Variants in GRM8 observed in about 807,000 individuals in gnomAD.
GRM8 encodes the protein metabotropic glutamate receptor 8.
Under a neutral mutation model 87.2 loss-of-function variants are expected in GRM8, and 47 were observed. That is an observed-to-expected ratio of 0.54 (90% CI 0.43 to 0.69). The LOEUF (loss-of-function observed/expected upper bound fraction) is 0.69. Ranked by LOEUF, GRM8 falls within the 30% of genes least tolerant of loss-of-function variation. GRM8 has a pLI of 0.00. For synonymous variants in GRM8, 396 were observed against 404.5 expected (o/e 0.98, Z 0.25); for missense variants, 1,019 against 1,139.2 (o/e 0.89, Z 1.52).
intron 2 of GRM8, among the ~76,000 whole-genome samples, chr7:127,173,087 T>A (rs1032747548): frequency 1.3e-5 from 2 of 152,230 alleles, no homozygotes; most frequent in Non-Finnish European, 2.9e-5. Context: ...TACCAAGCAC[T>A]GGTCTAGGCA....
chr7:127,232,405 AT>A (rs988267454), intron 2 of GRM8, among the ~76,000 whole-genome samples: 3 of 151,920 alleles, frequency 2.0e-5, no homozygotes, highest in Non-Finnish European at 4.4e-5. Flanking sequence ...TAATTCTTGT[AT>A]TTTTTATAGA....
chr7:126,887,502 G>A (rs1369635551), intron 6 of GRM8, among the ~76,000 whole-genome samples: 3 of 151,940 alleles, frequency 2.0e-5, no homozygotes, highest in Non-Finnish European at 1.5e-5. Flanking sequence ...ATTGAGAACA[G>A]CAATGAGTTT....
intron 7 of GRM8, among the ~76,000 whole-genome samples, chr7:126,759,464 T>C (rs1019735255): frequency 4.6e-5 from 7 of 152,144 alleles, no homozygotes; most frequent in African/African-American, 1.7e-4. Flanking sequence ...ACCTGGTCCA[T>C]TCTAGATTCA....
chr7:126,559,705 C>G (rs1292460508), intron 8 of GRM8, among the ~76,000 whole-genome samples: 2 of 152,168 alleles, frequency 1.3e-5, no homozygotes, highest in Admixed American at 6.5e-5. Flanking sequence ...TCAATTGATT[C>G]TGTAAGTCCT....
intron 3 of GRM8, among the ~76,000 whole-genome samples, chr7:127,080,327 A>G (rs975930264): frequency 3.3e-5 from 5 of 152,252 alleles, no homozygotes; most frequent in Non-Finnish European, 7.3e-5. Context: ...CTGCTGAATA[A>G]TTAACACACC....
At chr7:126,503,195 G>C (rs1349857984) in intron 9 of GRM8, among the ~76,000 whole-genome samples, 3 of 152,020 alleles carry the variant, frequency 2.0e-5, no homozygotes, top group Admixed American at 6.6e-5. Flanking sequence ...GGGGAATGAG[G>C]CTCACATGAT....
At chr7:126,734,755 T>C (rs1814006108) in intron 7 of GRM8, among the ~76,000 whole-genome samples, 2 of 152,050 alleles carry the variant, frequency 1.3e-5, no homozygotes, top group South Asian at 4.1e-4. Flanking sequence ...TTAAAACGAA[T>C]TTCCCAGTTC....
intron 6 of GRM8, among the ~76,000 whole-genome samples, chr7:126,810,770 G>A (rs1456021717): frequency 6.6e-6 from 1 of 152,112 alleles, no homozygotes; most frequent in African/African-American, 2.4e-5. Flanking sequence ...AGATTTGTTA[G>A]AGATTCCCAT....
intron 9 of GRM8, among the ~76,000 whole-genome samples, chr7:126,505,431 A>G (rs79362665): frequency 3.3e-5 from 5 of 152,054 alleles, no homozygotes; most frequent in East Asian, 1.9e-4. Flanking sequence ...TCCTTACTCA[A>G]TGAAGGCTAA....
At chr7:127,161,544 G>T (rs962867379) in intron 2 of GRM8, among the ~76,000 whole-genome samples, 1 of 152,174 alleles carries the variant, frequency 6.6e-6, no homozygotes, top group Non-Finnish European at 1.5e-5. Context: ...TTACTTTAGT[G>T]CATGTGTGTC....
chr7:126,439,008 G>T lies in GRM8; in HGVS notation c.*111C>A. On this transcript the variant is annotated 3_prime_UTR_variant, in exon 11 of 11. Transcript: ENST00000339582. Reference sequence around the variant, plus strand: ...TTTGTTCCTTACAAGACTGACTATTGATTTGATTGATTGTAGTCTACGGAG... The same window carrying T: ...TTTGTTCCTTACAAGACTGACTATTTATTTGATTGATTGTAGTCTACGGAG... The T allele has an allele frequency of 1.3e-6, 1 of 755,042 alleles. No homozygotes were observed. The highest frequency in any genetic ancestry group is 1.5e-5 in the South Asian group (1 of 68,402). 46.8% of individuals were successfully genotyped at this position (755,042 alleles called of 1,614,324 possible).
intron 7 of GRM8, among the ~76,000 whole-genome samples, chr7:126,672,934 G>A (rs529147751): frequency 7.9e-5 from 12 of 152,256 alleles, no homozygotes; most frequent in Admixed American, 3.3e-4. Context: ...CTTATCAGGC[G>A]AAAGCAGTTA....
intron 2 of GRM8, among the ~76,000 whole-genome samples, chr7:127,165,989 T>C (rs1406671133): frequency 6.6e-6 from 1 of 152,052 alleles, no homozygotes; most frequent in Non-Finnish European, 1.5e-5. Flanking sequence ...TCAAAATCTG[T>C]GAATAAAATA....
In GRM8 at chr7:127,187,318, T is replaced by C. The variant is rs78488618; in HGVS notation, c.510+55377A>G. On this transcript the variant is annotated intron_variant, in intron 2 of 10. Transcript: ENST00000339582. ...CACACCCTGAGACATTATATGTATA[T>C]GTATATGCTTTTTATCCCCAGTGCC... is the stretch of plus-strand genomic sequence containing the variant. Among the ~76,000 whole-genome samples, 1,044 of 152,292 alleles carry C rather than the reference T, an allele frequency of 6.9e-3. 10 individuals carry two copies. Among genetic ancestry groups the C allele is most frequent in the Non-Finnish European group, 0.012 (806 of 68,026 alleles).
intron 2 of GRM8, among the ~76,000 whole-genome samples, chr7:127,186,242 A>C (rs1353693772): frequency 2.0e-5 from 3 of 152,170 alleles, no homozygotes; most frequent in Non-Finnish European, 4.4e-5. Flanking sequence ...GGGGAAAATG[A>C]CCTTATATTT....
intron 7 of GRM8, among the ~76,000 whole-genome samples, chr7:126,615,217 A>G (rs969965154): frequency 6.6e-6 from 1 of 152,206 alleles, no homozygotes; most frequent in Non-Finnish European, 1.5e-5. Flanking sequence ...GGGGGCCAAT[A>G]TTCAACATTC....
At chr7:127,050,553 G>T (rs1462632681) in intron 3 of GRM8, among the ~76,000 whole-genome samples, 3 of 152,150 alleles carry the variant, frequency 2.0e-5, no homozygotes, top group African/African-American at 7.2e-5. Flanking sequence ...AGAAACAGAT[G>T]CCCTTTGAGA....
chr7:126,798,375 C>T (rs1321156141), intron 6 of GRM8, among the ~76,000 whole-genome samples: 4 of 152,096 alleles, frequency 2.6e-5, no homozygotes, highest in African/African-American at 9.7e-5. Context: ...CAAAGAAAAA[C>T]TAGGTAAAAA....
intron 8 of GRM8, among the ~76,000 whole-genome samples, chr7:126,592,722 G>A (rs559946911): frequency 6.6e-6 from 1 of 151,930 alleles, no homozygotes; most frequent in Non-Finnish European, 1.5e-5. Context: ...AAAGTTGGAC[G>A]CTTTTTCTCT....
Sources: allele counts gnomAD v4.1 joint callset (sites outside exome capture counted in the v4.1 genomes callset), GRCh38; gene constraint gnomAD v4.1.1; transcripts MANE v1.5; gene names NCBI Gene and HGNC (gene_info 2026-07-23, HGNC 2026-07-21).